YWHAZ: variants seen among roughly 807,000 people sequenced by gnomAD.
The protein encoded by YWHAZ is 14-3-3 protein zeta/delta.
For synonymous variants in YWHAZ, 87 were observed against 103.6 expected (o/e 0.84, Z 0.97); for missense variants, 79 against 284.8 (o/e 0.28, Z 5.20).
intron 2 of YWHAZ, among the ~76,000 whole-genome samples, chr8:100,944,723 C>T (rs1294862054): frequency 2.0e-5 from 3 of 152,138 alleles, no homozygotes; most frequent in East Asian, 3.8e-4. Context: ...TTAAATAGAA[C>T]TGAAAAGCTA....
chr8:100,924,811 C>T lies in YWHAZ; in HGVS notation c.418+105G>A, dbSNP rs894081029. 1.3e-5 allele frequency: 19 copies of T among 1,432,668 alleles called. No individual in the cohort carries two copies. The highest frequency in any genetic ancestry group is 2.6e-4 in the Middle Eastern group (1 of 3,846). 88.7% of individuals were successfully genotyped at this position (1,432,668 alleles called of 1,614,324 possible). On this transcript the variant is annotated intron_variant, in intron 3 of 5. Coordinates refer to ENST00000395958, the MANE Select transcript of YWHAZ (RefSeq NM_145690.3). This position sits in a 1 kb window ranked among gnomAD's most constrained non-coding sequence, Gnocchi z 5.7. ...ACAAAGAGCACTGCTACTCCTTATT[C>T]GGCACTCTAAGCAATTCAAAACAAG...
At chr8:100,937,729 T>C (rs1461098214) in intron 2 of YWHAZ, among the ~76,000 whole-genome samples, 1 of 152,180 alleles carries the variant, frequency 6.6e-6, no homozygotes, top group Non-Finnish European at 1.5e-5. Flanking sequence ...CCTGCTTTCA[T>C]ACAAAGCATA....
chr8:100,934,572 G>T lies in YWHAZ; in HGVS notation c.295-9533C>A, dbSNP rs183252634. Among the ~76,000 whole-genome samples, 1,038 of 151,918 alleles carry T rather than the reference G, an allele frequency of 6.8e-3. 16 individuals carry two copies. Among genetic ancestry groups the T allele is most frequent in the African/African-American group, 0.024 (984 of 41,422 alleles). On this transcript the variant is annotated intron_variant, in intron 2 of 5. Coordinates refer to ENST00000395958, the MANE Select transcript of YWHAZ (RefSeq NM_145690.3). Reference sequence around the variant, plus strand: ...AAAAATTAGCTGGGTGTGGTGGCAGGCGCCTGTAATCCCAGCTACTCAGGA... The same window carrying T: ...AAAAATTAGCTGGGTGTGGTGGCAGTCGCCTGTAATCCCAGCTACTCAGGA...
Position 100,925,461 on chromosome 8 carries a change from C to T in YWHAZ, c.295-422G>A, listed in dbSNP as rs114146289. On this transcript the variant is annotated intron_variant, in intron 2 of 5. Coordinates refer to ENST00000395958, the MANE Select transcript of YWHAZ (RefSeq NM_145690.3). Reference sequence around the variant, plus strand: ...ACCTTTTGGGACTCTGGAGAAATGACTAAAGCAGAAACCAATAATGTAAGA... The same window carrying T: ...ACCTTTTGGGACTCTGGAGAAATGATTAAAGCAGAAACCAATAATGTAAGA... Among the ~76,000 whole-genome samples the T allele has an allele frequency of 9.4e-3, 1,430 of 152,212 alleles. 21 individuals carry two copies. Among genetic ancestry groups the T allele is most frequent in the African/African-American group, 0.031 (1,306 of 41,528 alleles).
Position 100,917,127 on chromosome 8 carries a change from A to G in YWHAZ, c.*3566T>C, listed in dbSNP as rs543242260. On this transcript the variant is annotated 3_prime_UTR_variant, in exon 6 of 6. Transcript: ENST00000395958. ...ACTCTCCATTTGAAGCCTGACTACA[A>G]ATAACCTAAGATAGCAGCTTCCAAA... is the stretch of plus-strand genomic sequence containing the variant. 6.6e-6 allele frequency: 1 copy of G among 152,320 alleles called. No individual in the cohort carries two copies. The highest frequency in any genetic ancestry group is 2.1e-4 in the South Asian group (1 of 4,832). The allele number at this position is 152,320 out of a possible 1,614,324, so 9.4% of individuals were successfully genotyped here.
rs1243355053 is a variant in YWHAZ at position 100,950,665 on chromosome 8, G to C, written c.-12+1264C>G. The C allele has an allele frequency of 6.8e-6, 6 of 887,930 alleles. No individual in the cohort carries two copies. In the African/African-American group the frequency reaches 7.3e-5, roughly 11 times the overall value. The allele number at this position is 887,930 out of a possible 1,614,324, so 55.0% of individuals were successfully genotyped here. On this transcript the variant is annotated intron_variant, in intron 1 of 5. Transcript: ENST00000395958. ...CGCCCCCGCCCAAGCCGTGGGGGGGGGGGAGAGATGGGGAGCGAAGCCGCC... is the reference window on the plus strand; with the variant it reads ...CGCCCCCGCCCAAGCCGTGGGGGGGCGGGAGAGATGGGGAGCGAAGCCGCC...
At chr8:100,951,771 G>A (rs1471669882) in intron 1 of YWHAZ, 158 bp downstream of exon 1, 1 of 985,066 alleles carries the variant, frequency 1.0e-6, no homozygotes, top group African/African-American at 1.7e-5. Flanking sequence ...AGCGGAAGAG[G>A]AGCCGCCGCC....
At chr8:100,923,564 C>T (rs1447473047) in intron 5 of YWHAZ, 1 of 157,442 alleles carries the variant, frequency 6.4e-6, no homozygotes, top group Non-Finnish European at 1.4e-5. Context: ...TAGACTTCCA[C>T]TTGGATTCTG....
In YWHAZ at chr8:100,918,085, G is replaced by GT. The variant is rs889697532; in HGVS notation, c.*2607dup. The stretch of plus-strand genomic sequence containing the variant: ...CTACTGGGCGCGGTGGCTTATGCCT[G>GT]TAATCCCAGCACTTTGGGAGGTTGA... On this transcript the variant is annotated 3_prime_UTR_variant, in exon 6 of 6. Transcript: ENST00000395958. The GT allele has an allele frequency of 3.9e-5, 6 of 152,000 alleles. No homozygotes were observed. The highest frequency in any genetic ancestry group is 1.4e-4 in the African/African-American group (6 of 41,382). The allele number at this position is 152,000 out of a possible 1,614,324, so 9.4% of individuals were successfully genotyped here.
intron 2 of YWHAZ, among the ~76,000 whole-genome samples, chr8:100,927,808 C>T (rs1813468135): frequency 6.6e-6 from 1 of 152,206 alleles, no homozygotes; most frequent in Non-Finnish European, 1.5e-5. Context: ...CAGTTAAGCA[C>T]TTCTTTCCCC....
At chr8:100,935,743 G>A (rs1814103407) in intron 2 of YWHAZ, among the ~76,000 whole-genome samples, 1 of 152,176 alleles carries the variant, frequency 6.6e-6, no homozygotes, top group Middle Eastern at 3.2e-3. Flanking sequence ...AAGGGTCCTA[G>A]ATTATGGTAC....
Position 100,949,449 on chromosome 8 carries a change from T to C in YWHAZ, c.-11-549A>G, listed in dbSNP as rs375411070. 4.6e-5 allele frequency among the ~76,000 whole-genome samples: 7 copies of C among 152,260 alleles called. No homozygotes were observed. In the East Asian group the frequency reaches 7.7e-4, roughly 17 times the overall value. ...TTACCCCTACCCCAAACCTACTAGA[T>C]CTCTGCAACAACTGCCAGCCAATAA... On this transcript the variant is annotated intron_variant, in intron 1 of 5. Transcript: ENST00000395958.
chr8:100,952,988 G>C, upstream of YWHAZ: 3 of 1,000,650 alleles, frequency 3.0e-6, no homozygotes, highest in Non-Finnish European at 3.6e-6. Flanking sequence ...ACTGCGCGAG[G>C]GGACAATGGG....
At chr8:100,933,139 T>TC (rs1813876245) in intron 2 of YWHAZ, among the ~76,000 whole-genome samples, 1 of 152,126 alleles carries the variant, frequency 6.6e-6, no homozygotes, top group African/African-American at 2.4e-5. Context: ...GGTGGGTGGA[T>TC]CATGAGGTCA....
At chr8:100,940,601 T>C (rs1307375857) in intron 2 of YWHAZ, among the ~76,000 whole-genome samples, 1 of 152,242 alleles carries the variant, frequency 6.6e-6, no homozygotes, top group Non-Finnish European at 1.5e-5. Context: ...TCTCTTAAAT[T>C]TAATCCAAAA....
chr8:100,952,823 G>A (rs1810900590), upstream of YWHAZ: 4 of 1,000,542 alleles, frequency 4.0e-6, no homozygotes, highest in South Asian at 9.4e-5. Flanking sequence ...GCCCCTCCCG[G>A]CCTCCCTCCC....
At chr8:100,947,976 C>A in intron 2 of YWHAZ, 2 of 778,520 alleles carry the variant, frequency 2.6e-6, no homozygotes, top group Non-Finnish European at 3.9e-6. Flanking sequence ...AGTGCTTCAA[C>A]ACAGTAAGTA....
At chr8:100,952,228 G>GGC, upstream of YWHAZ, 2 of 904,390 alleles carry the variant, frequency 2.2e-6, no homozygotes, top group Non-Finnish European at 2.6e-6. Context: ...GGCGAGCGGA[G>GGC]GCGCGCGCGT....
In YWHAZ at chr8:100,948,905, A is replaced by AG; in HGVS notation, c.-11-6dup. On this transcript the variant is annotated splice_region_variant and splice_polypyrimidine_tract_variant and intron_variant, in intron 1 of 5. Coordinates refer to ENST00000395958, the MANE Select transcript of YWHAZ (RefSeq NM_145690.3). This position sits in a 1 kb window ranked among gnomAD's most constrained non-coding sequence, Gnocchi z 4.2. Reference sequence around the variant, plus strand: ...TTTTATCCATGACTGGATGTTCTGCAGGGGGGAAAAAAGGAGTATTTAAAA... The same window carrying AG: ...TTTTATCCATGACTGGATGTTCTGCAGGGGGGGAAAAAAGGAGTATTTAAAA... 2.6e-6 allele frequency: 4 copies of AG among 1,565,968 alleles called. No homozygotes were observed. Among genetic ancestry groups the AG allele is most frequent in the Non-Finnish European group, 3.4e-6 (4 of 1,164,634 alleles).
Sources: gnomAD v4.1 joint callset for allele counts (sites outside exome capture counted in the v4.1 genomes callset) on GRCh38, gnomAD v4.1.1 for gene constraint, Gnocchi (gnomAD v3.1) non-coding constraint, MANE v1.5 for transcripts, NCBI Gene and HGNC (gene_info 2026-07-23, HGNC 2026-07-21) for gene names.